ASAP1: variants seen among roughly 807,000 people sequenced by gnomAD.
The protein encoded by ASAP1 is ArfGAP with SH3 domain, ankyrin repeat and PH domain 1.
Under a neutral mutation model 145.2 loss-of-function variants are expected in ASAP1, and 43 were observed. The ratio of observed to expected loss-of-function variants is 0.30; its 90% confidence interval spans 0.23 to 0.38. ASAP1 has a LOEUF of 0.38. ASAP1 is among the 10% of genes least tolerant of loss of function. ASAP1 has a pLI of 1.00. For synonymous variants in ASAP1, 546 were observed against 515.5 expected (o/e 1.06, Z -0.80); for missense variants, 1,018 against 1,355.3 (o/e 0.75, Z 3.91).
chr8:130,348,664 T>C (rs960127046), intron 3 of ASAP1, among the ~76,000 whole-genome samples: 1 of 152,208 alleles, frequency 6.6e-6, no homozygotes, highest in African/African-American at 2.4e-5. Context: ...AAACAAGCTA[T>C]GAAGCACACA....
chr8:130,061,184 A>G, intron 27 of ASAP1, 115 bp from the exon 28 acceptor site: 1 of 1,307,678 alleles, frequency 7.6e-7, no homozygotes, highest in Non-Finnish European at 1.0e-6. Flanking sequence ...GAGCACTTGA[A>G]ATGGATGAAC....
chr8:130,147,180 C>T (rs1231204897), intron 13 of ASAP1, among the ~76,000 whole-genome samples: 1 of 107,422 alleles, frequency 9.3e-6, no homozygotes, highest in African/African-American at 3.6e-5. Context: ...CACTGCACTC[C>T]AAAGGGAAAT....
intron 1 of ASAP1, among the ~76,000 whole-genome samples, chr8:130,418,568 A>C (rs1038583164): frequency 1.3e-5 from 2 of 149,188 alleles, no homozygotes; most frequent in East Asian, 3.9e-4. Context: ...ATAAATAAAT[A>C]AATAAAATAA....
At chr8:130,239,904 T>C (rs184635850) in intron 3 of ASAP1, among the ~76,000 whole-genome samples, 3 of 152,248 alleles carry the variant, frequency 2.0e-5, no homozygotes, top group Admixed American at 2.0e-4. Context: ...ATCTAATCTG[T>C]TGTGGAAGGC....
chr8:130,209,772 G>A (rs1047246667), intron 5 of ASAP1, among the ~76,000 whole-genome samples: 2 of 151,144 alleles, frequency 1.3e-5, no homozygotes, highest in Non-Finnish European at 3.0e-5. Context: ...GAACTAACTG[G>A]CATTGTTTTT....
chr8:130,198,871 C>A (rs1815684885), intron 5 of ASAP1, among the ~76,000 whole-genome samples: 1 of 152,192 alleles, frequency 6.6e-6, no homozygotes, highest in Admixed American at 6.5e-5. Context: ...TGGCTTCCCA[C>A]TGAACTACAC....
intron 3 of ASAP1, among the ~76,000 whole-genome samples, chr8:130,291,998 T>C (rs1294647346): frequency 1.3e-5 from 2 of 152,154 alleles, no homozygotes; most frequent in Non-Finnish European, 2.9e-5. Context: ...GAGCCTCCCT[T>C]TCTTTAAAAT....
chr8:130,293,899 G>T (rs921750208), intron 3 of ASAP1, among the ~76,000 whole-genome samples: 41 of 152,232 alleles, frequency 2.7e-4, no homozygotes, highest in African/African-American at 9.9e-4. Flanking sequence ...TGGCCTGGCT[G>T]CTGAGGGAGC....
intron 24 of ASAP1, among the ~76,000 whole-genome samples, chr8:130,110,445 G>C (rs1412605863): frequency 1.3e-5 from 2 of 152,204 alleles, no homozygotes; most frequent in Admixed American, 6.5e-5. Context: ...TGCAGAAAGA[G>C]AATCTCTGCT....
intron 1 of ASAP1, among the ~76,000 whole-genome samples, chr8:130,416,693 C>T (rs190557717): frequency 1.8e-4 from 27 of 152,298 alleles, no homozygotes; most frequent in African/African-American, 6.3e-4. Flanking sequence ...GCATTAGTGC[C>T]CCAAAAGGGG....
At chr8:130,357,924 C>G in intron 3 of ASAP1, 93 bp downstream of exon 3, 1 of 1,483,470 alleles carries the variant, frequency 6.7e-7, no homozygotes, top group Non-Finnish European at 9.0e-7. Flanking sequence ...CCCCCGGCCC[C>G]CGCGTCCCCT....
At chr8:130,105,808 C>T (rs1393124587) in intron 24 of ASAP1, among the ~76,000 whole-genome samples, 1 of 151,936 alleles carries the variant, frequency 6.6e-6, no homozygotes, top group Non-Finnish European at 1.5e-5. Flanking sequence ...CAGGCTGGTG[C>T]CCGGGCATGA....
At chr8:130,284,810 G>A (rs1336104073) in intron 3 of ASAP1, among the ~76,000 whole-genome samples, 1 of 150,344 alleles carries the variant, frequency 6.7e-6, no homozygotes, top group South Asian at 2.1e-4. Context: ...TCTCCTCATG[G>A]GGTAGTAAAA....
At chr8:130,167,013 T>C (rs926085755) in intron 11 of ASAP1, among the ~76,000 whole-genome samples, 3 of 152,118 alleles carry the variant, frequency 2.0e-5, no homozygotes, top group Non-Finnish European at 2.9e-5. Flanking sequence ...TGAAAATCTA[T>C]AGTCATGGGG....
At chr8:130,091,861 A>G in intron 25 of ASAP1, 112 bp downstream of exon 25, 1 of 1,138,030 alleles carries the variant, frequency 8.8e-7, no homozygotes, top group Non-Finnish European at 1.2e-6. Context: ...AGCACCCAGC[A>G]TGTGTGTGCA....
intron 3 of ASAP1, among the ~76,000 whole-genome samples, chr8:130,296,605 C>A (rs1223107408): frequency 6.6e-6 from 1 of 151,284 alleles, no homozygotes; most frequent in Admixed American, 6.6e-5. Flanking sequence ...TTCCTTCTGG[C>A]CCTCACATAT....
At chr8:130,073,330 C>T (rs184069069) in intron 27 of ASAP1, among the ~76,000 whole-genome samples, 199 of 148,730 alleles carry the variant, frequency 1.3e-3, no homozygotes, top group African/African-American at 4.7e-3. Flanking sequence ...GCGGAGGTTG[C>T]GGGGAGCTGA....
At chr8:130,063,601 C>A (rs1232885590) in intron 27 of ASAP1, among the ~76,000 whole-genome samples, 2 of 152,102 alleles carry the variant, frequency 1.3e-5, no homozygotes, top group Non-Finnish European at 2.9e-5. Flanking sequence ...CTTCTTGAGA[C>A]CTGCTGCATG....
At chr8:130,300,151 C>CAGAGAGAGATAGAGAGAGAGAGAGAGAG (rs1234117059) in intron 3 of ASAP1, among the ~76,000 whole-genome samples, 1 of 84,736 alleles carries the variant, frequency 1.2e-5, no homozygotes, top group African/African-American at 4.5e-5. Flanking sequence ...CACACACACA[C>CAGAGAGAGATAGAGAGAGAGAGAGAGAG]ACAGAGAGAG....
Sources: gnomAD v4.1 joint callset for allele counts (sites outside exome capture counted in the v4.1 genomes callset) on GRCh38, gnomAD v4.1.1 for gene constraint, MANE v1.5 for transcripts, NCBI Gene and HGNC (gene_info 2026-07-23, HGNC 2026-07-21) for gene names.